Variants in RIN3 observed in about 807,000 individuals in gnomAD.
RIN3 encodes the protein Ras and Rab interactor 3.
Under a neutral mutation model 76.3 loss-of-function variants are expected in RIN3, and 54 were observed. That is an observed-to-expected ratio of 0.71 (90% CI 0.57 to 0.89). RIN3 has a LOEUF of 0.89. RIN3 is among the 40% of genes least tolerant of loss of function. The probability of loss-of-function intolerance (pLI) is 0.00; values close to 1 mark genes in which losing one functional copy is unlikely to be tolerated. For missense variants in RIN3, 1,256 were observed against 1,322.1 expected (o/e 0.95, Z 0.78); for synonymous variants, 576 against 564.0 (o/e 1.02, Z -0.30).
At chr14:92,646,106 C>T (rs988001266) in intron 5 of RIN3, among the ~76,000 whole-genome samples, 4 of 152,122 alleles carry the variant, frequency 2.6e-5, no homozygotes, top group Non-Finnish European at 4.4e-5. Flanking sequence ...AAAGAGAGAT[C>T]GACTAAAGGG....
chr14:92,635,757 G>A (rs1034291151), intron 4 of RIN3, among the ~76,000 whole-genome samples: 1 of 152,188 alleles, frequency 6.6e-6, no homozygotes, highest in Non-Finnish European at 1.5e-5. Context: ...GGAGACTGAG[G>A]CAGGAGAATC....
intron 8 of RIN3, among the ~76,000 whole-genome samples, chr14:92,684,253 G>T (rs1471987176): frequency 6.6e-6 from 1 of 151,988 alleles, no homozygotes; most frequent in Admixed American, 6.6e-5. Flanking sequence ...GGTGGCATGC[G>T]CCTCTAATCC....
intron 4 of RIN3, among the ~76,000 whole-genome samples, chr14:92,631,676 C>G (rs1284205071): frequency 6.6e-6 from 1 of 152,084 alleles, no homozygotes; most frequent in Non-Finnish European, 1.5e-5. Context: ...TCTGGGCTCA[C>G]TGCATCCTCC....
intron 5 of RIN3, among the ~76,000 whole-genome samples, chr14:92,650,425 G>A (rs12432481): frequency 0.039 from 5,943 of 152,322 alleles, 333 homozygotes; most frequent in African/African-American, 0.12. Flanking sequence ...GGGCTCACGC[G>A]CAGCAAGAAC....
chr14:92,570,613 G>T (rs1898038390), intron 2 of RIN3, among the ~76,000 whole-genome samples: 1 of 149,798 alleles, frequency 6.7e-6, no homozygotes, highest in Admixed American at 6.7e-5. Context: ...AGTGAGCTGA[G>T]ATCACGCCAT....
At chr14:92,678,972 C>G (rs1888572730) in intron 8 of RIN3, among the ~76,000 whole-genome samples, 1 of 152,182 alleles carries the variant, frequency 6.6e-6, no homozygotes, top group Non-Finnish European at 1.5e-5. Context: ...CAGCCCTCTC[C>G]TATGGACTTG....
In RIN3 at chr14:92,643,799, G is replaced by A. The variant is rs1887098926; in HGVS notation, c.532+2470G>A. Among the ~76,000 whole-genome samples, 1 of 152,162 alleles carries A rather than the reference G, an allele frequency of 6.6e-6. No individual in the cohort carries two copies. Among genetic ancestry groups the A allele is most frequent in the African/African-American group, 2.4e-5 (1 of 41,448 alleles). On this transcript the variant is annotated intron_variant, in intron 5 of 9. Coordinates refer to ENST00000216487, the MANE Select transcript of RIN3 (RefSeq NM_024832.5). This position sits in a 1 kb window ranked among gnomAD's most constrained non-coding sequence, Gnocchi z 4.8. ...AAAAATTAAGTGGGCATAATGGCAT[G>A]TGCCTGTAATCCCAGCTACTCCGGA... is the stretch of plus-strand genomic sequence containing the variant.
At chr14:92,586,374 C>G (rs144060816) in intron 3 of RIN3, 1 of 152,314 alleles carries the variant, frequency 6.6e-6, no homozygotes, top group Non-Finnish European at 1.5e-5. Flanking sequence ...ATTCGTTCTT[C>G]TTATCTCACA....
At chr14:92,684,609 A>G (rs1387421689) in intron 8 of RIN3, among the ~76,000 whole-genome samples, 7 of 152,198 alleles carry the variant, frequency 4.6e-5, no homozygotes, top group Admixed American at 4.6e-4. Flanking sequence ...TGATACACAC[A>G]CAGTGAGAAG....
rs977499731 is a variant in RIN3, at chr14:92,568,047, C to G, written c.250-9313C>G. ...CATGTTTAGATGAGGACATTGAGAC[C>G]CCAAGAAGTAAAAGTAACTTGCCCA... On this transcript the variant is annotated intron_variant, in intron 2 of 9. Transcript: ENST00000216487. This position sits in a 1 kb window ranked among gnomAD's most constrained non-coding sequence, Gnocchi z 4.2. Among the ~76,000 whole-genome samples the G allele has an allele frequency of 3.9e-5, 6 of 151,962 alleles. No homozygotes were observed. Among genetic ancestry groups the G allele is most frequent in the Non-Finnish European group, 8.8e-5 (6 of 67,998 alleles).
At chr14:92,520,661 C>G (rs1159294200) in intron 1 of RIN3, among the ~76,000 whole-genome samples, 1 of 152,208 alleles carries the variant, frequency 6.6e-6, no homozygotes, top group Non-Finnish European at 1.5e-5. Flanking sequence ...TCCCCTCCTC[C>G]AAAGTTTCCC....
intron 6 of RIN3, among the ~76,000 whole-genome samples, chr14:92,654,727 C>G (rs1402148232): frequency 6.6e-6 from 1 of 152,208 alleles, no homozygotes; most frequent in African/African-American, 2.4e-5. Flanking sequence ...GCACAGGGCC[C>G]TGTAAGCAGA....
intron 7 of RIN3, among the ~76,000 whole-genome samples, chr14:92,674,036 T>C (rs118122212): frequency 0.014 from 2,088 of 152,344 alleles, 22 homozygotes; most frequent in Non-Finnish European, 0.02. Flanking sequence ...AGAGGCTATT[T>C]TGATAAACAC....
chr14:92,518,232 C>A (rs191154266), intron 1 of RIN3, among the ~76,000 whole-genome samples: 1 of 152,236 alleles, frequency 6.6e-6, no homozygotes, highest in African/African-American at 2.4e-5. Context: ...TGACTTCCTA[C>A]TTCAGTTACA....
At chr14:92,552,829 C>G (rs1373310983) in intron 1 of RIN3, among the ~76,000 whole-genome samples, 1 of 152,048 alleles carries the variant, frequency 6.6e-6, no homozygotes, top group African/African-American at 2.4e-5. Flanking sequence ...TATTGCCCGC[C>G]TCTTCCCCTA....
chr14:92,542,541 A>G (rs1465606139), intron 1 of RIN3, among the ~76,000 whole-genome samples: 3 of 152,174 alleles, frequency 2.0e-5, no homozygotes, highest in African/African-American at 4.8e-5. Flanking sequence ...CAGAATTACC[A>G]TATAATCCAG....
chr14:92,549,731 C>T (rs1335417191), intron 1 of RIN3, among the ~76,000 whole-genome samples: 4 of 152,234 alleles, frequency 2.6e-5, no homozygotes, highest in African/African-American at 9.6e-5. Flanking sequence ...TCTGCTGGCA[C>T]TGCGTCTGGC....
At chr14:92,577,920 G>A (rs1898305129) in intron 3 of RIN3, among the ~76,000 whole-genome samples, 1 of 152,152 alleles carries the variant, frequency 6.6e-6, no homozygotes, top group Non-Finnish European at 1.5e-5. Flanking sequence ...GCTTTTGTGA[G>A]GGTCAAAGGG....
At chr14:92,538,762 A>C (rs985417465) in intron 1 of RIN3, among the ~76,000 whole-genome samples, 1 of 152,162 alleles carries the variant, frequency 6.6e-6, no homozygotes, top group Admixed American at 6.5e-5. Flanking sequence ...TTTATTTTTC[A>C]AAGTTTCAAG....
Sources: gnomAD v4.1 joint callset for allele counts (sites outside exome capture counted in the v4.1 genomes callset) on GRCh38, gnomAD v4.1.1 for gene constraint, Gnocchi (gnomAD v3.1) non-coding constraint, MANE v1.5 for transcripts, NCBI Gene and HGNC (gene_info 2026-07-23, HGNC 2026-07-21) for gene names.